Variants in ALG9 observed in about 807,000 individuals in gnomAD.
The protein encoded by ALG9 is alpha-1,2-mannosyltransferase ALG9.
A neutral mutation model predicts 81.8 loss-of-function variants in ALG9; 55 were observed. The observed-to-expected ratio is 0.67, with a 90% CI of 0.54 to 0.84. The LOEUF (loss-of-function observed/expected upper bound fraction) is 0.84. Ranked by LOEUF, ALG9 falls within the 40% of genes least tolerant of loss-of-function variation. ALG9 has a pLI of 0.00. For missense variants in ALG9, 629 were observed against 745.0 expected, an observed-to-expected ratio of 0.84 and a Z score of 1.81; for synonymous variants, 278 against 274.3, an observed-to-expected ratio of 1.01 and a Z score of -0.13.
At chr11:111,776,135 C>T in the ALG9 span, among the ~76,000 whole-genome samples, 1 of 151,934 alleles carries the variant, frequency 6.6e-6, no homozygotes, top group African/African-American at 2.4e-5. Flanking sequence ...GTGGGAGGAT[C>T]ACTTGGCCCA....
At chr11:111,787,056 C>T (rs1284764624) in intron 14 of ALG9, among the ~76,000 whole-genome samples, 4 of 152,162 alleles carry the variant, frequency 2.6e-5, no homozygotes, top group African/African-American at 7.2e-5. Context: ...TATAATATAT[C>T]TACTTATTAC....
chr11:111,811,702 G>T (rs1398437940), intron 13 of ALG9, among the ~76,000 whole-genome samples: 1 of 152,150 alleles, frequency 6.6e-6, no homozygotes, highest in Non-Finnish European at 1.5e-5. Flanking sequence ...CTATGCCACA[G>T]ATAAACCTTA....
At chr11:111,871,000 C>T in intron 1 of ALG9, 1 of 1,034,890 alleles carries the variant, frequency 9.7e-7, no homozygotes, top group Non-Finnish European at 1.2e-6. Context: ...AGTAAAGGGT[C>T]GGGACTTGAG....
chr11:111,841,155 G>A (rs782782859), intron 9 of ALG9, among the ~76,000 whole-genome samples: 29 of 152,168 alleles, frequency 1.9e-4, no homozygotes, highest in Non-Finnish European at 3.4e-4. Context: ...CCACTAAGAC[G>A]AAAAGTTCCT....
intron 3 of ALG9, among the ~76,000 whole-genome samples, chr11:111,867,581 A>G (rs532861774): frequency 6.2e-4 from 94 of 152,360 alleles, no homozygotes; most frequent in African/African-American, 2.2e-3. Flanking sequence ...GGACGGGGTC[A>G]GCATTGGAAG....
chr11:111,818,816 T>C (rs1555100430), intron 13 of ALG9, among the ~76,000 whole-genome samples: 1 of 150,840 alleles, frequency 6.6e-6, no homozygotes, highest in Admixed American at 6.6e-5. Context: ...ACTTAACAAA[T>C]ACATGAAGAA....
chr11:111,829,266 CATT>C (rs1347897035), intron 13 of ALG9: 2 of 152,140 alleles, frequency 1.3e-5, no homozygotes, highest in Non-Finnish European at 2.9e-5. Context: ...TGTAGGGTGA[CATT>C]AACACATGAT....
At chr11:111,803,896 A>G (rs1949522663) in intron 14 of ALG9, among the ~76,000 whole-genome samples, 1 of 151,832 alleles carries the variant, frequency 6.6e-6, no homozygotes, top group South Asian at 2.1e-4. Flanking sequence ...ACTTTGGGAG[A>G]GCGAGTCGGG....
At chr11:111,805,267 A>C in intron 14 of ALG9, 1 of 456,332 alleles carries the variant, frequency 2.2e-6, no homozygotes, top group Non-Finnish European at 4.4e-6. Context: ...GGCCTTTACC[A>C]GAACTTGACT....
At chr11:111,814,335 G>C (rs782526161) in intron 13 of ALG9, among the ~76,000 whole-genome samples, 5 of 152,088 alleles carry the variant, frequency 3.3e-5, no homozygotes, top group Admixed American at 6.5e-5. Context: ...AATCTAAAGA[G>C]AAAAGCAAGA....
intron 13 of ALG9, 64 bp from the exon 14 acceptor site, chr11:111,809,837 G>A: frequency 6.3e-7 from 1 of 1,577,650 alleles, no homozygotes. Context: ...GTAGAGAACA[G>A]CAATTGCAAT....
At chr11:111,798,862 G>A (rs1565653346) in intron 14 of ALG9, among the ~76,000 whole-genome samples, 3 of 152,216 alleles carry the variant, frequency 2.0e-5, no homozygotes, top group Non-Finnish European at 4.4e-5. Flanking sequence ...TCTGGGGTTT[G>A]TAGGCCTCTA....
intron 5 of ALG9, chr11:111,858,087 C>T (rs1344070507): frequency 5.6e-5 from 19 of 337,740 alleles, no homozygotes; most frequent in South Asian, 3.9e-4. Context: ...CAGGCACGTG[C>T]CACCACACCC....
At chr11:111,854,866 T>C (rs1958419019) in intron 6 of ALG9, among the ~76,000 whole-genome samples, 1 of 152,226 alleles carries the variant, frequency 6.6e-6, no homozygotes, top group African/African-American at 2.4e-5. Context: ...CAGCAGTATC[T>C]AGCACAAAGC....
At chr11:111,790,642 G>C (rs576805731) in intron 14 of ALG9, among the ~76,000 whole-genome samples, 1 of 152,226 alleles carries the variant, frequency 6.6e-6, no homozygotes, top group South Asian at 2.1e-4. Context: ...CTGTTCCTGC[G>C]ATCAGTAAGA....
intron 14 of ALG9, among the ~76,000 whole-genome samples, chr11:111,789,986 A>T (rs1305513076): frequency 6.6e-6 from 1 of 152,084 alleles, no homozygotes; most frequent in Admixed American, 6.6e-5. Flanking sequence ...TGGAAAAAAA[A>T]ATTTCCTGAT....
chr11:111,779,223 A>T (rs1945793329), downstream of ALG9, among the ~76,000 whole-genome samples: 4 of 152,118 alleles, frequency 2.6e-5, no homozygotes, highest in South Asian at 8.3e-4. Context: ...CAGGCTGTTG[A>T]AGCAGCTAAC....
At chr11:111,841,059 A>G (rs1406771672) in intron 9 of ALG9, among the ~76,000 whole-genome samples, 1 of 152,228 alleles carries the variant, frequency 6.6e-6, no homozygotes, top group Non-Finnish European at 1.5e-5. Context: ...TAGGACACAT[A>G]TAAATGTCAA....
intron 13 of ALG9, among the ~76,000 whole-genome samples, chr11:111,826,462 C>T (rs922901060): frequency 6.6e-5 from 10 of 151,822 alleles, no homozygotes; most frequent in Non-Finnish European, 4.4e-5. Context: ...CTCCTGATTC[C>T]CCAGTCCAAC....
Sources: allele counts gnomAD v4.1 joint callset (sites outside exome capture counted in the v4.1 genomes callset), GRCh38; gene constraint gnomAD v4.1.1; transcripts MANE v1.5; gene names NCBI Gene and HGNC (gene_info 2026-07-23, HGNC 2026-07-21).